Variants in WNK3 observed in about 807,000 individuals in gnomAD.
The protein encoded by WNK3 is serine/threonine-protein kinase WNK3.
Under a neutral mutation model 116.7 loss-of-function variants are expected in WNK3, and 18 were observed. The ratio of observed to expected loss-of-function variants is 0.15; its 90% CI spans 0.11 to 0.23. The LOEUF is 0.23. Ranked by LOEUF, WNK3 falls within the 10% of genes least tolerant of loss-of-function variation. WNK3 has a pLI of 1.00. For missense variants in WNK3, 993 were observed against 1,323.8 expected, an observed-to-expected ratio of 0.75 and a Z score of 3.88; for synonymous variants, 404 against 469.4, an observed-to-expected ratio of 0.86 and a Z score of 1.80.
chrX:54,244,427 A>T (rs905403173), intron 17 of WNK3, among the ~76,000 whole-genome samples: 13 of 112,232 alleles, frequency 1.2e-4, no homozygotes, highest in African/African-American at 4.2e-4. Context: ...TAAATGGCAA[A>T]GCAAGATTTT....
At chrX:54,254,432 A>C (rs2068168756) in intron 12 of WNK3, among the ~76,000 whole-genome samples, 1 of 112,498 alleles carries the variant, frequency 8.9e-6, no homozygotes, top group Admixed American at 9.5e-5. Context: ...ACTCTAAGCA[A>C]AAGAAGAGGC....
intron 10 of WNK3, among the ~76,000 whole-genome samples, chrX:54,290,338 T>C (rs1167389138): frequency 9.1e-6 from 1 of 110,064 alleles, no homozygotes; most frequent in East Asian, 2.9e-4. Context: ...TCTAAAGTCA[T>C]AGGTTGGGCT....
At chrX:54,291,244 CG>C (rs2068636141) in intron 10 of WNK3, among the ~76,000 whole-genome samples, 1 of 110,415 alleles carries the variant, frequency 9.1e-6, no homozygotes, top group South Asian at 3.9e-4. Flanking sequence ...ACCCGGGAGG[CG>C]GAGGTTGCAG....
At chrX:54,209,424 AAAATAAATAAAT>A (rs10608187) in intron 22 of WNK3, among the ~76,000 whole-genome samples, 20 of 92,951 alleles carry the variant, frequency 2.2e-4, no homozygotes, top group African/African-American at 7.1e-4. Flanking sequence ...CTCTGTCTAA[AAAATAAATAAAT>A]AAATAAATAA....
chrX:54,347,852 CTTCCATTCAA>C (rs1377474479), intron 1 of WNK3, among the ~76,000 whole-genome samples: 1 of 108,722 alleles, frequency 9.2e-6, no homozygotes, highest in Non-Finnish European at 1.9e-5. Flanking sequence ...CTCTATCTCC[CTTCCATTCAA>C]TTCCATTTGC....
intron 19 of WNK3, among the ~76,000 whole-genome samples, chrX:54,238,006 C>T (rs1308007463): frequency 7.2e-5 from 8 of 110,847 alleles, no homozygotes; most frequent in Admixed American, 3.9e-4. Context: ...CCGAGGCAGG[C>T]GGATCACCTG....
chrX:54,319,995 A>G (rs1043327743), intron 2 of WNK3, among the ~76,000 whole-genome samples: 1 of 112,116 alleles, frequency 8.9e-6, no homozygotes, highest in Admixed American at 9.6e-5. Flanking sequence ...TGCTGTCTCA[A>G]GGTAAGGACA....
chrX:54,244,332 T>TA (rs1477487002), intron 17 of WNK3, among the ~76,000 whole-genome samples: 1 of 111,853 alleles, frequency 8.9e-6, no homozygotes, highest in African/African-American at 3.2e-5. Flanking sequence ...AGTAGCCCTT[T>TA]AAGTAGGTAC....
At chrX:54,316,084 G>T (rs868911415) in intron 2 of WNK3, among the ~76,000 whole-genome samples, 4 of 111,395 alleles carry the variant, frequency 3.6e-5, no homozygotes, top group Non-Finnish European at 3.8e-5. Context: ...AAAGAGATCA[G>T]CAGATCTTCC....
At chrX:54,347,693 T>C (rs782740719) in intron 1 of WNK3, among the ~76,000 whole-genome samples, 15 of 96,616 alleles carry the variant, frequency 1.6e-4, no homozygotes, top group African/African-American at 4.8e-4. Context: ...TATATATATA[T>C]ACACATATAT....
chrX:54,202,169 G>A, exon 23 of WNK3: 2 of 1,206,158 alleles, frequency 1.7e-6, no homozygotes, highest in Non-Finnish European at 2.2e-6. Context: ...GCATGATGCT[G>A]CATTACTCTC....
intron 17 of WNK3, among the ~76,000 whole-genome samples, chrX:54,243,356 G>A (rs2068042874): frequency 9.8e-6 from 1 of 101,709 alleles, no homozygotes; most frequent in Admixed American, 1.1e-4. Context: ...GGGAGGCGGA[G>A]CTTGCAGTGA....
chrX:54,194,407 G>C (rs2067425961), exon 24 of WNK3: 1 of 112,289 alleles, frequency 8.9e-6, no homozygotes, highest in Non-Finnish European at 1.9e-5. Flanking sequence ...GGTAGTTAAA[G>C]CAATTTCAAC....
intron 2 of WNK3, 77 bp downstream of exon 2, chrX:54,333,060 G>A (rs2069191308): frequency 1.4e-6 from 1 of 708,677 alleles, no homozygotes; most frequent in African/African-American, 2.2e-5. Flanking sequence ...CATGATACAT[G>A]GATAATCATG....
At chrX:54,205,077 T>C (rs2067538041) in intron 22 of WNK3, among the ~76,000 whole-genome samples, 1 of 111,001 alleles carries the variant, frequency 9.0e-6, no homozygotes, top group African/African-American at 3.3e-5. Context: ...TAGCTGGCCA[T>C]GGTAGTGGGT....
At chrX:54,339,772 T>C (rs2069293906) in intron 1 of WNK3, among the ~76,000 whole-genome samples, 2 of 111,810 alleles carry the variant, frequency 1.8e-5, no homozygotes, top group African/African-American at 6.5e-5. Flanking sequence ...CTATAAAACT[T>C]TTAGAAGAAA....
At chrX:54,275,767 A>G (rs1285910236) in intron 10 of WNK3, among the ~76,000 whole-genome samples, 1 of 110,920 alleles carries the variant, frequency 9.0e-6, no homozygotes, top group Non-Finnish European at 1.9e-5. Flanking sequence ...GGGATAAAAA[A>G]CATGGATAAA....
At chrX:54,302,160 A>C (rs1403570003) in intron 5 of WNK3, among the ~76,000 whole-genome samples, 1 of 111,593 alleles carries the variant, frequency 9.0e-6, no homozygotes, top group African/African-American at 3.2e-5. Context: ...ATATATGACA[A>C]TATACAGAAA....
intron 22 of WNK3, among the ~76,000 whole-genome samples, chrX:54,216,425 G>A (rs1160785628): frequency 9.1e-6 from 1 of 109,355 alleles, no homozygotes; most frequent in African/African-American, 3.3e-5. Flanking sequence ...GAGAGTAGGG[G>A]GCTACCTGCA....
Sources: gnomAD v4.1 joint callset for allele counts (sites outside exome capture counted in the v4.1 genomes callset) on GRCh38, gnomAD v4.1.1 for gene constraint, MANE v1.5 for transcripts, NCBI Gene and HGNC (gene_info 2026-07-23, HGNC 2026-07-21) for gene names.